Variants in UNC13C observed in about 807,000 individuals in gnomAD.
UNC13C encodes protein unc-13 homolog C.
In UNC13C, 174 loss-of-function variants were observed where a neutral mutation model predicts 245.4. That is an observed-to-expected ratio of 0.71 (90% confidence interval 0.63 to 0.80). UNC13C has a LOEUF of 0.80. Among genes scored for constraint, UNC13C ranks in the 30% least tolerant of loss-of-function variants. UNC13C has a pLI of 0.00. For synonymous variants in UNC13C, 992 were observed against 895.1 expected (o/e 1.11, Z -1.93); for missense variants, 2,829 against 2,602.9 (o/e 1.09, Z -1.89).
chr15:54,098,468 TC>T (rs1196637827), intron 2 of UNC13C, among the ~76,000 whole-genome samples: 2 of 152,116 alleles, frequency 1.3e-5, no homozygotes, highest in African/African-American at 4.8e-5. Flanking sequence ...AGCTACCCTA[TC>T]CGGCCCCTCC....
At chr15:54,202,196 C>T (rs1374052983) in intron 4 of UNC13C, among the ~76,000 whole-genome samples, 1 of 152,028 alleles carries the variant, frequency 6.6e-6, no homozygotes, top group Non-Finnish European at 1.5e-5. Context: ...AAACACATCT[C>T]ATGCTCATAG....
intron 26 of UNC13C, among the ~76,000 whole-genome samples, chr15:54,537,638 A>T (rs1209777712): frequency 6.6e-6 from 1 of 152,154 alleles, no homozygotes; most frequent in Non-Finnish European, 1.5e-5. Context: ...AAACAGACAC[A>T]TAGACCAATG....
intron 22 of UNC13C, among the ~76,000 whole-genome samples, chr15:54,501,798 G>C (rs1447267846): frequency 6.6e-6 from 1 of 152,128 alleles, no homozygotes; most frequent in African/African-American, 2.4e-5. Context: ...GGAGAAGTTA[G>C]AAAAGTATTC....
At chr15:54,112,826 G>T (rs1012207131) in intron 2 of UNC13C, among the ~76,000 whole-genome samples, 16 of 152,156 alleles carry the variant, frequency 1.1e-4, no homozygotes, top group African/African-American at 3.4e-4. Context: ...CCAAGTTACA[G>T]GTTGAGGCCC....
chr15:54,502,775 C>G (rs1894285870), intron 22 of UNC13C, among the ~76,000 whole-genome samples: 1 of 151,902 alleles, frequency 6.6e-6, no homozygotes, highest in South Asian at 2.1e-4. Context: ...ATAATTGTAC[C>G]TGATATTAGA....
chr15:54,359,384 G>T (rs1189151052), intron 17 of UNC13C, among the ~76,000 whole-genome samples: 1 of 151,788 alleles, frequency 6.6e-6, no homozygotes, highest in Non-Finnish European at 1.5e-5. Context: ...TGATGAATTT[G>T]AGAAAAGTTA....
At chr15:53,962,209 C>T in the UNC13C span, among the ~76,000 whole-genome samples, 1 of 152,082 alleles carries the variant, frequency 6.6e-6, no homozygotes, top group Non-Finnish European at 1.5e-5. Flanking sequence ...ATATCTGACA[C>T]TGCTAAGCAT....
chr15:54,265,601 T>G (rs778824062), intron 10 of UNC13C, 105 bp downstream of exon 10: 2 of 899,148 alleles, frequency 2.2e-6, no homozygotes, highest in Non-Finnish European at 3.1e-6. Context: ...TAATAATCTC[T>G]TACCCAAAAG....
intron 14 of UNC13C, among the ~76,000 whole-genome samples, chr15:54,331,476 A>G (rs2038434430): frequency 6.6e-6 from 1 of 152,094 alleles, no homozygotes; most frequent in African/African-American, 2.4e-5. Context: ...TTTAGCACTA[A>G]ATCATACACA....
the UNC13C span, chr15:53,913,469 C>A: frequency 6.6e-6 from 1 of 152,212 alleles, no homozygotes; most frequent in Admixed American, 6.5e-5. Context: ...GGATAACCAC[C>A]CCCTGGACAG....
At chr15:54,295,537 G>C (rs927766618) in intron 11 of UNC13C, among the ~76,000 whole-genome samples, 1 of 152,036 alleles carries the variant, frequency 6.6e-6, no homozygotes, top group South Asian at 2.1e-4. Context: ...TGTAGTCCCA[G>C]CTACTCTGGA....
chr15:53,920,663 G>A, the UNC13C span, among the ~76,000 whole-genome samples: 1 of 151,970 alleles, frequency 6.6e-6, no homozygotes, highest in African/African-American at 2.4e-5. Flanking sequence ...GAATAAAGAT[G>A]TAGCATTTGG....
the UNC13C span, among the ~76,000 whole-genome samples, chr15:53,855,200 AC>A: frequency 6.6e-6 from 1 of 152,162 alleles, no homozygotes; most frequent in Non-Finnish European, 1.5e-5. Flanking sequence ...TTGGGCTGAG[AC>A]AATGGGGTTT....
intron 2 of UNC13C, among the ~76,000 whole-genome samples, chr15:54,043,554 C>A (rs528963563): frequency 2.6e-4 from 39 of 152,286 alleles, no homozygotes; most frequent in African/African-American, 9.1e-4. Context: ...TAGGTAGGAG[C>A]AAAGATGTAT....
At chr15:54,216,343 T>G (rs1230153936) in intron 4 of UNC13C, among the ~76,000 whole-genome samples, 2 of 152,032 alleles carry the variant, frequency 1.3e-5, no homozygotes, top group African/African-American at 4.8e-5. Flanking sequence ...GATTAGCTGT[T>G]ATTTAGTATT....
At chr15:54,510,255 G>A (rs1242725498) in intron 23 of UNC13C, among the ~76,000 whole-genome samples, 1 of 152,100 alleles carries the variant, frequency 6.6e-6, no homozygotes, top group Admixed American at 6.6e-5. Flanking sequence ...TCCCTGGTAG[G>A]ATTGCCCAGA....
At chr15:53,869,914 C>G in the UNC13C span, among the ~76,000 whole-genome samples, 8 of 152,180 alleles carry the variant, frequency 5.3e-5, no homozygotes, top group African/African-American at 1.9e-4. Flanking sequence ...TAGATAAACT[C>G]CTCTGCATTC....
intron 8 of UNC13C, among the ~76,000 whole-genome samples, chr15:54,250,733 TTTTC>T (rs1202618938): frequency 1.1e-5 from 1 of 87,776 alleles, no homozygotes; most frequent in Non-Finnish European, 2.0e-5. Flanking sequence ...CTTTTTTGTC[TTTTC>T]TTTCTTTCTT....
chr15:53,879,824 A>G, the UNC13C span, among the ~76,000 whole-genome samples: 1 of 152,128 alleles, frequency 6.6e-6, no homozygotes, highest in East Asian at 1.9e-4. Context: ...TGACCTCACG[A>G]TCCACCTGCC....
Sources: allele counts gnomAD v4.1 joint callset (sites outside exome capture counted in the v4.1 genomes callset), GRCh38; gene constraint gnomAD v4.1.1; transcripts MANE v1.5; gene names NCBI Gene and HGNC (gene_info 2026-07-23, HGNC 2026-07-21).